Variants in RDX observed in about 807,000 individuals in gnomAD.
RDX encodes the protein radixin.
RDX carries 32 observed loss-of-function variants against 83.7 expected under a neutral mutation model. That is an observed-to-expected ratio of 0.38 (90% CI 0.29 to 0.51). The LOEUF (loss-of-function observed/expected upper bound fraction) is 0.51, where lower values mean the gene tolerates loss of function less well. Ranked by LOEUF, RDX falls within the 20% of genes least tolerant of loss-of-function variation. RDX has a pLI of 0.87. For missense variants in RDX, 600 were observed against 689.9 expected, an observed-to-expected ratio of 0.87 and a Z score of 1.46; for synonymous variants, 229 against 222.7, an observed-to-expected ratio of 1.03 and a Z score of -0.25.
At chr11:110,265,324 T>C (rs1036125742) in intron 3 of RDX, among the ~76,000 whole-genome samples, 2 of 151,980 alleles carry the variant, frequency 1.3e-5, no homozygotes, top group African/African-American at 4.8e-5. Flanking sequence ...ACTCCTGACC[T>C]CAGGTGATCT....
At chr11:110,294,499 G>A (rs755922439) in intron 1 of RDX, among the ~76,000 whole-genome samples, 3 of 151,962 alleles carry the variant, frequency 2.0e-5, no homozygotes, top group African/African-American at 7.3e-5. Context: ...GACAGTGGAA[G>A]AAATCACAAC....
intron 14 of RDX, among the ~76,000 whole-genome samples, chr11:110,206,239 AGAGT>A (rs1452633764): frequency 8.7e-5 from 12 of 137,576 alleles, no homozygotes; most frequent in Admixed American, 7.4e-5. Flanking sequence ...CCTGGACGAC[AGAGT>A]GAGAGTCCAT....
chr11:110,211,082 G>A (rs950624384), intron 14 of RDX, among the ~76,000 whole-genome samples: 2 of 152,170 alleles, frequency 1.3e-5, no homozygotes, highest in Non-Finnish European at 2.9e-5. Context: ...TCAGTGTGCT[G>A]TATCCAGGAA....
At chr11:110,242,371 T>C (rs922972187) in intron 10 of RDX, among the ~76,000 whole-genome samples, 1 of 150,714 alleles carries the variant, frequency 6.6e-6, no homozygotes, top group African/African-American at 2.4e-5. Flanking sequence ...GAGGCAGAGG[T>C]TGCAGTGACC....
intron 10 of RDX, among the ~76,000 whole-genome samples, chr11:110,245,472 A>G (rs1341577646): frequency 6.6e-6 from 1 of 152,126 alleles, no homozygotes; most frequent in Non-Finnish European, 1.5e-5. Context: ...TTTTAATCTC[A>G]GAATGCTAAA....
intron 7 of RDX, among the ~76,000 whole-genome samples, chr11:110,257,250 G>C (rs1359746530): frequency 6.6e-6 from 1 of 151,634 alleles, no homozygotes; most frequent in Non-Finnish European, 1.5e-5. Context: ...TATAATTACA[G>C]TGTTCAATAT....
At chr11:110,221,102 C>G (rs1224713177) in intron 14 of RDX, among the ~76,000 whole-genome samples, 1 of 152,106 alleles carries the variant, frequency 6.6e-6, no homozygotes, top group Non-Finnish European at 1.5e-5. Context: ...CCATTACAGG[C>G]TAAGCCCTTC....
exon 16 of RDX, chr11:110,174,941 T>C (rs1862740186): frequency 6.6e-6 from 1 of 152,234 alleles, no homozygotes; most frequent in Non-Finnish European, 1.5e-5. Flanking sequence ...GTGCTGTATT[T>C]TTACTTCTTC....
chr11:110,230,248 T>C lies in RDX; in HGVS notation c.*1621A>G, dbSNP rs1221265438. The C allele has an allele frequency of 2.0e-5, 3 of 152,118 alleles. No individual in the cohort carries two copies. Among genetic ancestry groups the C allele is most frequent in the African/African-American group, 7.2e-5 (3 of 41,444 alleles). 9.4% of individuals were successfully genotyped at this position (152,118 alleles called of 1,614,324 possible). A position where few individuals can be genotyped will look rare whatever the true frequency, so the allele number is the denominator to read the frequency against. The stretch of plus-strand genomic sequence containing the variant: ...TGTGTAATACCAAATGGAAAGTAGC[T>C]GAACCACACAGAGAAAACAAGGCTT... On this transcript the variant is annotated 3_prime_UTR_variant, in exon 14 of 14. Coordinates refer to ENST00000645495, the MANE Select transcript of RDX (RefSeq NM_002906.4).
intron 15 of RDX, among the ~76,000 whole-genome samples, chr11:110,176,134 G>A (rs1159602730): frequency 1.3e-5 from 2 of 149,502 alleles, no homozygotes; most frequent in Non-Finnish European, 3.0e-5. Context: ...TGCCCAGGCT[G>A]GAGTGCAGTG....
At chr11:110,273,003 G>A (rs945352826) in intron 2 of RDX, 72 of 456,662 alleles carry the variant, frequency 1.6e-4, no homozygotes, top group Non-Finnish European at 2.7e-4. Context: ...AAGGTGGGAG[G>A]ATCTCTTGAG....
chr11:110,238,619 C>G (rs1488690805), intron 10 of RDX, among the ~76,000 whole-genome samples: 1 of 152,098 alleles, frequency 6.6e-6, no homozygotes, highest in Non-Finnish European at 1.5e-5. Flanking sequence ...TGAGTAATTG[C>G]AGTTAAGACT....
At chr11:110,189,268 A>AAAAAAAAAAAAAT (rs1863057746) in intron 15 of RDX, among the ~76,000 whole-genome samples, 1 of 130,632 alleles carries the variant, frequency 7.7e-6, no homozygotes. Context: ...AAAAAAAAAA[A>AAAAAAAAAAAAAT]GACAAGGGCA....
intron 15 of RDX, among the ~76,000 whole-genome samples, chr11:110,198,922 T>TAGC (rs1293414046): frequency 1.3e-5 from 2 of 152,102 alleles, no homozygotes; most frequent in Non-Finnish European, 2.9e-5. Context: ...TTCAAGCAAT[T>TAGC]CTTCTGCCTT....
intron 1 of RDX, among the ~76,000 whole-genome samples, chr11:110,280,215 A>G (rs1307726640): frequency 6.6e-6 from 1 of 152,196 alleles, no homozygotes; most frequent in Admixed American, 6.5e-5. Context: ...TGATTAATGT[A>G]ATCTACAAAA....
rs11821933 is a variant in RDX, at chr11:110,180,171, A to G, written c.*32-4937T>C. ...CCTGCCTTGGCCTCCCAAAGTGCTG[A>G]GATTACAGGCATGAGCCATGGCGCC... On this transcript the variant is annotated intron_variant, in intron 15 of 15. Coordinates refer to the RDX transcript ENST00000528498. Among the ~76,000 whole-genome samples the G allele has an allele frequency of 9.3e-3, 1,412 of 151,904 alleles. 18 individuals are homozygous for G. Among genetic ancestry groups the G allele is most frequent in the African/African-American group, 0.031 (1,299 of 41,446 alleles).
downstream of RDX, among the ~76,000 whole-genome samples, chr11:110,229,054 A>C (rs1443695365): frequency 6.6e-6 from 1 of 152,012 alleles, no homozygotes; most frequent in African/African-American, 2.4e-5. Context: ...CTTCAAAATA[A>C]GAACATGTAC....
At chr11:110,259,066 C>A (rs114688170) in intron 5 of RDX, among the ~76,000 whole-genome samples, 1 of 151,472 alleles carries the variant, frequency 6.6e-6, no homozygotes, top group Non-Finnish European at 1.5e-5. Context: ...TACAGGCGTG[C>A]GCCATAATGC....
chr11:110,185,480 T>A lies in RDX; in HGVS notation c.*32-10246A>T, dbSNP rs1415649675. 2.0e-5 allele frequency: 3 copies of A among 152,298 alleles called. No homozygotes were observed. The East Asian group carries it at 5.8e-4, about 30-fold the overall frequency. 9.4% of individuals were successfully genotyped at this position (152,298 alleles called of 1,614,324 possible). On this transcript the variant is annotated intron_variant, in intron 15 of 15. Transcript: ENST00000528498. ...TCCAGTCCAGCAGCCTCAGTTTCAC[T>A]TGGGAACTTGTCTGAAATGCAAATT...
Sources: allele counts gnomAD v4.1 joint callset (sites outside exome capture counted in the v4.1 genomes callset), GRCh38; gene constraint gnomAD v4.1.1; transcripts MANE v1.5; gene names NCBI Gene and HGNC (gene_info 2026-07-23, HGNC 2026-07-21).